Variants in METTL21A observed in about 807,000 individuals in gnomAD.
The protein encoded by METTL21A is methyltransferase 21A, HSPA lysine, also known as protein N-lysine methyltransferase METTL21A.
In METTL21A, 22 loss-of-function variants were observed where a neutral mutation model predicts 20.9. That is an observed-to-expected ratio of 1.05 (90% CI 0.75 to 1.50). The LOEUF (loss-of-function observed/expected upper bound fraction) is 1.50. METTL21A is among the 40% of genes most tolerant of loss of function. The pLI is 0.00. For missense variants in METTL21A, 271 were observed against 266.8 expected (o/e 1.02, Z -0.11); for synonymous variants, 93 against 102.0 (o/e 0.91, Z 0.53).
chr2:207,616,916 G>A (rs893728003), intron 3 of METTL21A, among the ~76,000 whole-genome samples: 1 of 152,180 alleles, frequency 6.6e-6, no homozygotes, highest in African/African-American at 2.4e-5. Flanking sequence ...GCACAGACCA[G>A]GGACAGTGGA....
rs532632789 is a variant in METTL21A, at chr2:207,597,298, T to G, written c.260-15138A>C. ...ACGCCAGGAATCATGAAGAGACTTCTGCTTTTCAACCCCCACCCTCCTCAA... is the reference window on the plus strand; with the variant it reads ...ACGCCAGGAATCATGAAGAGACTTCGGCTTTTCAACCCCCACCCTCCTCAA... On this transcript the variant is annotated intron_variant, in intron 3 of 3. Transcript: ENST00000425132. 2.4e-5 allele frequency: 10 copies of G among 415,618 alleles called. No individual in the cohort carries two copies. The South Asian group carries it at 4.8e-4, about 20-fold the overall frequency. 25.7% of individuals were successfully genotyped at this position (415,618 alleles called of 1,614,324 possible).
chr2:207,621,197 C>G (rs1294401724), intron 3 of METTL21A, among the ~76,000 whole-genome samples: 2 of 152,068 alleles, frequency 1.3e-5, no homozygotes, highest in East Asian at 1.9e-4. Flanking sequence ...AACAATGAAG[C>G]CTAAAAATGC....
chr2:207,601,625 ATTAAT>A (rs1368544923), intron 3 of METTL21A: 3 of 209,644 alleles, frequency 1.4e-5, no homozygotes, highest in African/African-American at 6.8e-5. Flanking sequence ...CAAAATATCC[ATTAAT>A]TTGTCTAGAA....
At chr2:207,606,410 A>AG (rs1222036853), downstream of METTL21A, among the ~76,000 whole-genome samples, 2 of 152,164 alleles carry the variant, frequency 1.3e-5, no homozygotes, top group Non-Finnish European at 2.9e-5. Flanking sequence ...TGAACCCAGG[A>AG]GGCGGAGGTT....
intron 3 of METTL21A, chr2:207,620,698 T>C (rs1367905362): frequency 1.3e-6 from 2 of 1,533,408 alleles, no homozygotes; most frequent in Non-Finnish European, 1.7e-6. Flanking sequence ...TTAAGTGCTG[T>C]GGTTGAAGAC....
At chr2:207,597,364 G>T (rs552416399) in intron 3 of METTL21A, 2 of 298,016 alleles carry the variant, frequency 6.7e-6, no homozygotes, top group African/African-American at 4.3e-5. Context: ...TGGGAGAAAT[G>T]AGGAAAAGAA....
intron 3 of METTL21A, chr2:207,620,749 C>T: frequency 2.0e-6 from 3 of 1,489,656 alleles, no homozygotes; most frequent in Non-Finnish European, 2.7e-6. Context: ...TTTCAACCAC[C>T]ACCCCTGCCC....
chr2:207,614,692 T>C (rs2089458350), intron 3 of METTL21A, among the ~76,000 whole-genome samples: 1 of 152,178 alleles, frequency 6.6e-6, no homozygotes, highest in Non-Finnish European at 1.5e-5. Flanking sequence ...TATGGGTTGT[T>C]GACAAAAAGA....
At chr2:207,618,639 C>T (rs192979871) in intron 3 of METTL21A, among the ~76,000 whole-genome samples, 83 of 152,120 alleles carry the variant, frequency 5.5e-4, no homozygotes, top group Non-Finnish European at 1.1e-3. Context: ...GAGGCGGGGG[C>T]AGAGATTGAA....
chr2:207,613,423 C>A, exon 4 of METTL21A: 1 of 1,596,958 alleles, frequency 6.3e-7, no homozygotes, highest in Middle Eastern at 1.7e-4. Context: ...ACTTTTCGAT[C>A]CGTGATAGTC....
At chr2:207,600,907 G>A (rs1312596862) in intron 3 of METTL21A, 1 of 201,912 alleles carries the variant, frequency 5.0e-6, no homozygotes, top group Non-Finnish European at 1.0e-5. Context: ...TACTTGAAGT[G>A]ACTTCAATCT....
At chr2:207,623,306 G>C (rs1488257805) in intron 2 of METTL21A, among the ~76,000 whole-genome samples, 3 of 152,016 alleles carry the variant, frequency 2.0e-5, no homozygotes, top group Non-Finnish European at 4.4e-5. Flanking sequence ...TTATTCCTAC[G>C]TGTTTAACAT....
intron 3 of METTL21A, chr2:207,603,476 T>G (rs577610531): frequency 6.3e-5 from 14 of 220,748 alleles, no homozygotes; most frequent in Admixed American, 1.7e-4. Context: ...TTTTGTTGGG[T>G]TTTTTTTGCT....
intron 3 of METTL21A, among the ~76,000 whole-genome samples, chr2:207,595,490 G>A (rs1300370106): frequency 6.6e-6 from 1 of 151,658 alleles, no homozygotes; most frequent in Non-Finnish European, 1.5e-5. Flanking sequence ...GCATGATCAT[G>A]GCTCACTGCA....
intron 1 of METTL21A, 117 bp downstream of exon 1, chr2:207,624,945 C>T (rs1393091405): frequency 1.3e-5 from 2 of 152,310 alleles, no homozygotes; most frequent in African/African-American, 4.8e-5. Flanking sequence ...ATGGTCGCCG[C>T]AGTTCCGTCT....
At chr2:207,604,839 T>C (rs2087815694), downstream of METTL21A, among the ~76,000 whole-genome samples, 1 of 152,250 alleles carries the variant, frequency 6.6e-6, no homozygotes, top group Non-Finnish European at 1.5e-5. Context: ...CACTGTGTAT[T>C]ACTTCTTTCG....
exon 4 of METTL21A, chr2:207,613,311 C>T: frequency 6.2e-7 from 1 of 1,614,094 alleles, no homozygotes; most frequent in South Asian, 1.1e-5. Flanking sequence ...AGGAGAAAAA[C>T]TCCCCAAATT....
exon 4 of METTL21A, chr2:207,613,317 A>C (rs1487589127): frequency 6.2e-7 from 1 of 1,614,028 alleles, no homozygotes; most frequent in African/African-American, 1.3e-5. Context: ...AAAACTCCCC[A>C]AATTTTGTCC....
In METTL21A at chr2:207,601,814, GAT is replaced by G. The variant is rs1239643614; in HGVS notation, c.260-19656_260-19655del. Reference sequence around the variant, plus strand: ...TAAGGCTGTAGGTGAAGAGTTGTGAGATAAATAGTTCACTCAGTTGTACAAAG... The same window carrying G: ...TAAGGCTGTAGGTGAAGAGTTGTGAGAAATAGTTCACTCAGTTGTACAAAG... On this transcript the variant is annotated intron_variant, in intron 3 of 3. Coordinates refer to the METTL21A transcript ENST00000425132. 5.9e-5 allele frequency: 13 copies of G among 219,396 alleles called. No individual in the cohort carries two copies. The East Asian group carries it at 8.1e-4, about 14-fold the overall frequency. The allele number at this position is 219,396 out of a possible 1,614,324, so 13.6% of individuals were successfully genotyped here. A position where few individuals can be genotyped will look rare whatever the true frequency, so the allele number is the denominator to read the frequency against.
Sources: gnomAD v4.1 joint callset for allele counts (sites outside exome capture counted in the v4.1 genomes callset) on GRCh38, gnomAD v4.1.1 for gene constraint, MANE v1.5 for transcripts, NCBI Gene and HGNC (gene_info 2026-07-23, HGNC 2026-07-21) for gene names.